MARK3: variants seen among roughly 807,000 people sequenced by gnomAD.
The protein encoded by MARK3 is MAP/microtubule affinity-regulating kinase 3.
In MARK3, 46 loss-of-function variants were observed where a neutral mutation model predicts 90.1. That is an observed-to-expected ratio of 0.51 (90% CI 0.40 to 0.65). The LOEUF is 0.65. Among genes scored for constraint, MARK3 ranks in the 30% least tolerant of loss-of-function variants. MARK3 has a pLI of 0.00. For missense variants in MARK3, 818 were observed against 947.2 expected, an observed-to-expected ratio of 0.86 and a Z score of 1.79; for synonymous variants, 321 against 332.6, an observed-to-expected ratio of 0.97 and a Z score of 0.38.
chr14:103,466,104 G>A lies in MARK3; in HGVS notation c.897+13G>A, dbSNP rs759154634. On this transcript the variant is annotated intron_variant, in intron 9 of 17. Transcript: ENST00000429436. Reference sequence around the variant, plus strand: ...CGGCACTCTAGAGGTAATCATGTAGGTGGAAACAAGCAGTAACTTTGGAGA... The same window carrying A: ...CGGCACTCTAGAGGTAATCATGTAGATGGAAACAAGCAGTAACTTTGGAGA... 1 of 1,611,932 alleles carries A rather than the reference G, an allele frequency of 6.2e-7. No individual in the cohort carries two copies. Among genetic ancestry groups the A allele is most frequent in the Non-Finnish European group, 8.5e-7 (1 of 1,179,380 alleles).
intron 14 of MARK3, among the ~76,000 whole-genome samples, chr14:103,488,252 G>A (rs990210682): frequency 1.4e-4 from 22 of 152,098 alleles, no homozygotes; most frequent in African/African-American, 5.3e-4. Flanking sequence ...CTAGAGTTAC[G>A]GTCCATCTGC....
chr14:103,485,063 C>CAAAAAAAAAAAAAAAAAAAAAAAA (rs34312214), intron 14 of MARK3, among the ~76,000 whole-genome samples: 9 of 97,744 alleles, frequency 9.2e-5, no homozygotes, highest in Non-Finnish European at 1.6e-4. Flanking sequence ...ACTAAAAATA[C>CAAAAAAAAAAAAAAAAAAAAAAAA]AAAAAAAAAA....
In MARK3 at chr14:103,465,797, T is replaced by C; in HGVS notation, c.777+4T>C. Reference sequence around the variant, plus strand: ...CTTTGATGGGCAAAACCTAAAGGTATAAGAAGCTGCACCCATGTACTTCAC... The same window carrying C: ...CTTTGATGGGCAAAACCTAAAGGTACAAGAAGCTGCACCCATGTACTTCAC... On this transcript the variant is annotated splice_donor_region_variant and intron_variant, in intron 8 of 17. Coordinates refer to ENST00000429436, the MANE Select transcript of MARK3 (RefSeq NM_001128918.3). The C allele has an allele frequency of 1.2e-6, 2 of 1,610,092 alleles. No individual in the cohort carries two copies. Among genetic ancestry groups the C allele is most frequent in the Non-Finnish European group, 1.7e-6 (2 of 1,177,004 alleles).
At chr14:103,406,982 C>A (rs1218336727) in intron 2 of MARK3, among the ~76,000 whole-genome samples, 1 of 152,080 alleles carries the variant, frequency 6.6e-6, no homozygotes, top group Non-Finnish European at 1.5e-5. Flanking sequence ...TACAGGCATC[C>A]ACCACTGCAC....
rs1317643007 is a variant in MARK3 at position 103,502,941 on chromosome 14, G to A, written c.1976G>A (p.Arg659His). The A allele has an allele frequency of 6.2e-7, 1 of 1,614,102 alleles. No individual in the cohort carries two copies. The highest frequency in any genetic ancestry group is 1.3e-5 in the African/African-American group (1 of 74,928). ...AAAGAAGCAAAGCCTCGATCCCTAC[G>A]CTTCACCTGGAGCATGAAAACCACT... Reference protein sequence around the residue: ...ENKEAKPRSLRFTWSMKTTSS... With the variant: ...ENKEAKPRSLHFTWSMKTTSS... The change falls in exon 18 of 18, where the codon CGC becomes CAC. Residue 659 changes from arginine (R) to histidine (H), a missense_variant. Transcript: ENST00000429436.
At chr14:103,404,856 C>G (rs565749588) in intron 1 of MARK3, among the ~76,000 whole-genome samples, 1 of 152,286 alleles carries the variant, frequency 6.6e-6, no homozygotes, top group South Asian at 2.1e-4. Flanking sequence ...TATCTAATTT[C>G]TTCCTGAACA....
At chr14:103,461,080 C>G (rs2141487686) in intron 6 of MARK3, among the ~76,000 whole-genome samples, 1 of 152,302 alleles carries the variant, frequency 6.6e-6, no homozygotes. Context: ...TTATACAGCC[C>G]TCTGAGATTT....
chr14:103,412,452 ACTTCTTGGCCAG>A (rs1375676525), intron 2 of MARK3: 29 of 547,044 alleles, frequency 5.3e-5, no homozygotes, highest in South Asian at 1.6e-4. Context: ...AATGCATCAT[ACTTCTTGGCCAG>A]CTTCTTGACC....
intron 1 of MARK3, among the ~76,000 whole-genome samples, chr14:103,403,389 CAATG>C (rs756795947): frequency 4.1e-5 from 6 of 148,134 alleles, no homozygotes; most frequent in East Asian, 4.0e-4. Flanking sequence ...AGTAAATATT[CAATG>C]AATGAATGAA....
chr14:103,415,710 T>C (rs760281591), intron 2 of MARK3, among the ~76,000 whole-genome samples: 1 of 152,278 alleles, frequency 6.6e-6, no homozygotes, highest in Non-Finnish European at 1.5e-5. Flanking sequence ...TTCAGTCATT[T>C]GTACTTTATT....
At chr14:103,473,008 A>G (rs942133549) in intron 12 of MARK3, among the ~76,000 whole-genome samples, 6 of 77,084 alleles carry the variant, frequency 7.8e-5, no homozygotes, top group African/African-American at 1.6e-4. Flanking sequence ...CTCCGTCTCG[A>G]AAAAAAAAAA....
intron 7 of MARK3, among the ~76,000 whole-genome samples, chr14:103,465,284 C>T (rs10162425): frequency 0.62 from 94,367 of 151,926 alleles, 30,384 homozygotes; most frequent in Middle Eastern, 0.75. Flanking sequence ...TTATTATTAT[C>T]AATTGAAAAA....
intron 13 of MARK3, among the ~76,000 whole-genome samples, chr14:103,480,099 G>A (rs959067852): frequency 2.0e-5 from 3 of 152,010 alleles, no homozygotes; most frequent in Non-Finnish European, 2.9e-5. Context: ...CCAGCATGGC[G>A]ACAGAGCAAC....
At chr14:103,469,111 A>C (rs1014026894) in intron 12 of MARK3, 1 of 152,028 alleles carries the variant, frequency 6.6e-6, no homozygotes, top group African/African-American at 2.4e-5. Context: ...TGTGGCTATC[A>C]AGTACTTGAA....
chr14:103,482,700 C>T (rs1042718880), intron 14 of MARK3, among the ~76,000 whole-genome samples: 1 of 152,112 alleles, frequency 6.6e-6, no homozygotes, highest in African/African-American at 2.4e-5. Flanking sequence ...ATACACCAGG[C>T]ACATGCATAT....
chr14:103,408,953 C>T (rs919159197), intron 2 of MARK3, among the ~76,000 whole-genome samples: 6 of 152,078 alleles, frequency 3.9e-5, no homozygotes, highest in African/African-American at 1.4e-4. Context: ...AGATAAGGAA[C>T]GGTGAGACCT....
chr14:103,422,950 C>A (rs373896808), intron 2 of MARK3, among the ~76,000 whole-genome samples: 1 of 152,064 alleles, frequency 6.6e-6, no homozygotes, highest in Non-Finnish European at 1.5e-5. Context: ...TAAGTGAAGT[C>A]GTAGTATGAA....
intron 6 of MARK3, 27 bp from the exon 7 acceptor site, chr14:103,462,378 G>T: frequency 6.4e-7 from 1 of 1,560,870 alleles, no homozygotes; most frequent in South Asian, 1.1e-5. Context: ...CACCAGTGAT[G>T]ACTGACTCTG....
chr14:103,425,597 G>T (rs939282607), intron 2 of MARK3, among the ~76,000 whole-genome samples: 1 of 152,156 alleles, frequency 6.6e-6, no homozygotes, highest in Non-Finnish European at 1.5e-5. Flanking sequence ...GCCAGTTAGG[G>T]CTATAAAGAT....
Sources: gnomAD v4.1 joint callset for allele counts (sites outside exome capture counted in the v4.1 genomes callset) on GRCh38, gnomAD v4.1.1 for gene constraint, MANE v1.5 for transcripts, NCBI Gene and HGNC (gene_info 2026-07-23, HGNC 2026-07-21) for gene names.